The following TTBK2 variants were observed in gnomAD, a reference collection of about 807,000 sequenced individuals.
TTBK2 encodes tau tubulin kinase 2.
A neutral mutation model predicts 110.8 loss-of-function variants in TTBK2; 28 were observed. The observed-to-expected ratio is 0.25, with a 90% CI of 0.19 to 0.35. The LOEUF is 0.35. Ranked by LOEUF, TTBK2 falls within the 10% of genes least tolerant of loss-of-function variation. The pLI is 1.00. For synonymous variants in TTBK2, 532 were observed against 527.3 expected, an observed-to-expected ratio of 1.01 and a Z score of -0.12; for missense variants, 1,369 against 1,500.3, an observed-to-expected ratio of 0.91 and a Z score of 1.45.
Position 42,794,586 on chromosome 15 carries a change from T to G in TTBK2, c.980+58A>C, listed in dbSNP as rs1890849142. The stretch of plus-strand genomic sequence containing the variant: ...CTGAGGGAATCTGGATGAAGTAAAT[T>G]TTTGCAAATATAATACATCCAGGAA... On this transcript the variant is annotated intron_variant, in intron 10 of 14. Transcript: ENST00000267890. 55 of 1,613,182 alleles carry G rather than the reference T, an allele frequency of 3.4e-5. No homozygotes were observed. In the South Asian group the frequency reaches 5.4e-4, roughly 16 times the overall value.
chr15:42,782,850 A>G (rs1890238038), intron 11 of TTBK2, among the ~76,000 whole-genome samples: 1 of 152,214 alleles, frequency 6.6e-6, no homozygotes, highest in African/African-American at 2.4e-5. Flanking sequence ...ACGGATATCC[A>G]TATGGGCTGA....
At chr15:42,913,095 T>G (rs2682075) in intron 1 of TTBK2, among the ~76,000 whole-genome samples, 64,721 of 137,000 alleles carry the variant, frequency 0.47, 18,936 homozygotes, top group African/African-American at 0.86. Flanking sequence ...ACTGCAGTCC[T>G]CAGTCCGACC....
At chr15:42,877,310 T>C (rs916617643) in intron 2 of TTBK2, among the ~76,000 whole-genome samples, 1 of 152,052 alleles carries the variant, frequency 6.6e-6, no homozygotes, top group Non-Finnish European at 1.5e-5. Flanking sequence ...AAAAAAGATG[T>C]CCCCATCTCA....
chr15:42,849,089 C>T (rs947000248), intron 3 of TTBK2, among the ~76,000 whole-genome samples: 1 of 151,586 alleles, frequency 6.6e-6, no homozygotes, highest in African/African-American at 2.4e-5. Flanking sequence ...CAGTCTCATT[C>T]TGGATTGCTG....
intron 6 of TTBK2, among the ~76,000 whole-genome samples, chr15:42,817,994 C>T (rs536240357): frequency 6.6e-6 from 1 of 152,250 alleles, no homozygotes; most frequent in African/African-American, 2.4e-5. Flanking sequence ...TTTTACTCTG[C>T]TTTCTTTCTT....
chr15:42,768,082 T>C (rs1889473178), intron 13 of TTBK2, among the ~76,000 whole-genome samples: 1 of 152,184 alleles, frequency 6.6e-6, no homozygotes, highest in Non-Finnish European at 1.5e-5. Flanking sequence ...CTAAAAACTC[T>C]CAATAAACTA....
chr15:42,751,835 G>A (rs2061869560), intron 14 of TTBK2, 139 bp downstream of exon 14: 4 of 1,010,284 alleles, frequency 4.0e-6, no homozygotes, highest in South Asian at 1.3e-5. Context: ...TACTGCACTA[G>A]GCTGTAAGGC....
chr15:42,746,351 G>T, intron 14 of TTBK2, 94 bp from the exon 15 acceptor site: 1 of 982,586 alleles, frequency 1.0e-6, no homozygotes, highest in Non-Finnish European at 1.5e-6. Flanking sequence ...TGAATGTGTA[G>T]AAATCAGAAA....
chr15:42,775,595 G>T lies in TTBK2; in HGVS notation c.1538C>A (p.Pro513Gln). ...HIWHYDEEYLPDASKPASANT... is the reference protein window; with the variant it reads ...HIWHYDEEYLQDASKPASANT... ...GGCAGAAGCAGGCTTGGAGGCATCT[G>T]GAAGATATTCTTCATCATAGTGCCA... is the stretch of plus-strand genomic sequence containing the variant. The change falls in exon 13 of 15, where the codon CCA becomes CAA. Residue 513 changes from proline to glutamine, a missense_variant. By Grantham distance (76) the Pro-to-Gln change is moderately conservative. Around this residue, in one of 4 missense-constraint regions of TTBK2, gnomAD observed 1,097 missense variants for 1,114.7 expected, o/e 0.98. Coordinates refer to ENST00000267890, the MANE Select transcript of TTBK2 (RefSeq NM_173500.4). The T allele has an allele frequency of 7.4e-6, 12 of 1,614,096 alleles. No homozygotes were observed. Among genetic ancestry groups the T allele is most frequent in the Non-Finnish European group, 1.0e-5 (12 of 1,180,000 alleles).
At chr15:42,816,703 A>G (rs1432000116) in intron 7 of TTBK2, among the ~76,000 whole-genome samples, 2 of 151,968 alleles carry the variant, frequency 1.3e-5, no homozygotes, top group African/African-American at 2.4e-5. Context: ...GGTGATCATG[A>G]GGCTAGGAGT....
chr15:42,896,884 A>ATT (rs757444236), intron 1 of TTBK2, among the ~76,000 whole-genome samples: 1 of 146,518 alleles, frequency 6.8e-6, no homozygotes, highest in Non-Finnish European at 1.5e-5. Context: ...TCAGTTTTAG[A>ATT]TTTTTTTTTT....
intron 14 of TTBK2, among the ~76,000 whole-genome samples, chr15:42,749,915 A>G (rs996896028): frequency 6.6e-6 from 1 of 152,126 alleles, no homozygotes; most frequent in Admixed American, 6.6e-5. Context: ...GTCTACAACC[A>G]TCAAAAAAAC....
At chr15:42,770,160 G>A (rs571934345) in intron 13 of TTBK2, among the ~76,000 whole-genome samples, 5 of 152,058 alleles carry the variant, frequency 3.3e-5, no homozygotes, top group South Asian at 2.1e-4. Context: ...ATGAGTTGAT[G>A]GGTGCAGCAC....
chr15:42,745,688 G>C lies in TTBK2; in HGVS notation c.*107C>G. 7.6e-7 allele frequency: 1 copy of C among 1,322,366 alleles called. No homozygotes were observed. The highest frequency in any genetic ancestry group is 1.1e-6 in the Non-Finnish European group (1 of 918,356). The allele number at this position is 1,322,366 out of a possible 1,614,324, so 81.9% of individuals were successfully genotyped here. A position where few individuals can be genotyped will look rare whatever the true frequency, so the allele number is the denominator to read the frequency against. On this transcript the variant is annotated 3_prime_UTR_variant, in exon 15 of 15. Transcript: ENST00000267890. ...ATAATTGATCATGTTACTTTCTTTT[G>C]CAAGAGAAGATCAACACTGATTTTT...
At chr15:42,890,679 G>C (rs929471885) in intron 1 of TTBK2, among the ~76,000 whole-genome samples, 2 of 152,118 alleles carry the variant, frequency 1.3e-5, no homozygotes, top group African/African-American at 2.4e-5. Context: ...AATTTCCTAA[G>C]TGATATGAAT....
At chr15:42,827,857 G>T in intron 6 of TTBK2, 71 bp downstream of exon 6, 1 of 1,237,030 alleles carries the variant, frequency 8.1e-7, no homozygotes, top group Non-Finnish European at 1.2e-6. Flanking sequence ...AATTAGCATT[G>T]TTTAAAAAGT....
At chr15:42,840,730 C>A in intron 3 of TTBK2, 1 of 446,424 alleles carries the variant, frequency 2.2e-6, no homozygotes, top group Non-Finnish European at 4.1e-6. Flanking sequence ...GTGGTCAATT[C>A]AGATCAACCT....
At chr15:42,838,136 A>T (rs761048997) in intron 4 of TTBK2, among the ~76,000 whole-genome samples, 28 of 152,088 alleles carry the variant, frequency 1.8e-4, no homozygotes, top group Non-Finnish European at 3.5e-4. Context: ...TGAACCCGGG[A>T]GGCGGAGGTT....
chr15:42,862,734 C>CA (rs1034167346), intron 3 of TTBK2, among the ~76,000 whole-genome samples: 1 of 151,874 alleles, frequency 6.6e-6, no homozygotes, highest in African/African-American at 2.4e-5. Flanking sequence ...ACTAAAAATA[C>CA]AAAATTAGCC....
Sources: gnomAD v4.1 joint callset for allele counts (sites outside exome capture counted in the v4.1 genomes callset) on GRCh38, gnomAD v4.1.1 for gene constraint, gnomAD v4.1.1 regional missense constraint, MANE v1.5 for transcripts, NCBI Gene and HGNC (gene_info 2026-07-23, HGNC 2026-07-21) for gene names.